KAT6A: variants seen among roughly 807,000 people sequenced by gnomAD.
KAT6A encodes lysine acetyltransferase 6A, also known as histone acetyltransferase KAT6A.
In KAT6A, 9 loss-of-function variants were observed where a neutral mutation model predicts 198.4. That is an observed-to-expected ratio of 0.05 (90% confidence interval 0.03 to 0.08). The LOEUF (loss-of-function observed/expected upper bound fraction) is 0.08, where lower values mean the gene tolerates loss of function less well. KAT6A is among the 10% of genes least tolerant of loss of function. The pLI is 1.00. For missense variants in KAT6A, 2,077 were observed against 2,509.9 expected, an observed-to-expected ratio of 0.83 and a Z score of 3.69; for synonymous variants, 890 against 883.0, an observed-to-expected ratio of 1.01 and a Z score of -0.14.
intron 8 of KAT6A, among the ~76,000 whole-genome samples, chr8:41,963,853 CTCT>C (rs1345468157): frequency 1.3e-5 from 2 of 152,234 alleles, no homozygotes; most frequent in East Asian, 1.9e-4. Context: ...CCAATATCAT[CTCT>C]TGTTTGAACT....
chr8:42,013,206 G>GATAA (rs948555292), intron 2 of KAT6A, among the ~76,000 whole-genome samples: 1 of 150,424 alleles, frequency 6.6e-6, no homozygotes, highest in Non-Finnish European at 1.5e-5. Context: ...TAAATTTATA[G>GATAA]ATAAATAAAT....
intron 14 of KAT6A, chr8:41,942,510 T>C (rs989177960): frequency 7.2e-6 from 3 of 415,708 alleles, no homozygotes; most frequent in Admixed American, 4.2e-5. Context: ...ACTATCCAGC[T>C]TAAAACTGAG....
At chr8:42,021,477 A>T (rs1264409000) in intron 2 of KAT6A, among the ~76,000 whole-genome samples, 1 of 152,364 alleles carries the variant, frequency 6.6e-6, no homozygotes, top group African/African-American at 2.4e-5. Flanking sequence ...AGGTACTATT[A>T]TAATACTATC....
chr8:42,009,708 G>A (rs965535613), intron 2 of KAT6A, among the ~76,000 whole-genome samples: 1 of 151,524 alleles, frequency 6.6e-6, no homozygotes, highest in African/African-American at 2.4e-5. Flanking sequence ...AGACCAGCCT[G>A]GGAAACATAT....
Position 41,932,610 on chromosome 8 carries a change from G to A in KAT6A, c.5610C>T (p.His1870=). The part of the protein sequence containing the change: ...KSAPLPSAAA[H]QQQLYGRSPS... ...GGCTACGGCCATACAGCTGCTGCTG[G>A]TGAGCAGCCGCAGAGGGCAGTGGCG... The change falls in exon 17 of 17, where the codon CAC becomes CAT. Residue 1870 remains histidine, a synonymous_variant. Transcript: ENST00000265713. 2 of 1,614,062 alleles carry A rather than the reference G, an allele frequency of 1.2e-6. No homozygotes were observed. Among genetic ancestry groups the A allele is most frequent in the Non-Finnish European group, 1.7e-6 (2 of 1,179,904 alleles).
chr8:42,010,448 A>G (rs1441814144), intron 2 of KAT6A, among the ~76,000 whole-genome samples: 1 of 152,180 alleles, frequency 6.6e-6, no homozygotes, highest in Admixed American at 6.5e-5. Flanking sequence ...TCCATAAAGC[A>G]ATAACATTTA....
At position 41,978,727 on chromosome 8, in the gene KAT6A, G is replaced by T; in HGVS notation, c.958C>A (p.Leu320Ile). The change falls in exon 6 of 17, where the codon CTA becomes ATA. Residue 320 changes from leucine to isoleucine, a missense_variant. By Grantham distance (5) the Leu-to-Ile change is conservative. Around this residue, in one of 13 missense-constraint regions of KAT6A, gnomAD observed 89 missense variants for 154.4 expected, o/e 0.58. Coordinates refer to ENST00000265713, the MANE Select transcript of KAT6A (RefSeq NM_006766.5). ...TTTATCTGTGCTGCCTTCTTTTGTA[G>T]AAGTTTTCGTCCTTTTTTCCTAGGT... ...CRPRKKGRKL[L>I]QKKAAQIKRR... 1 of 1,613,696 alleles carries T rather than the reference G, an allele frequency of 6.2e-7. No homozygotes were observed. Among genetic ancestry groups the T allele is most frequent in the South Asian group, 1.1e-5 (1 of 91,072 alleles).
chr8:41,968,818 T>C (rs763867271), intron 8 of KAT6A, among the ~76,000 whole-genome samples: 17 of 152,192 alleles, frequency 1.1e-4, no homozygotes, highest in Non-Finnish European at 2.1e-4. Context: ...GAGGTGGCTC[T>C]TTTTCATGGA....
chr8:41,959,759 C>T (rs531226125), intron 8 of KAT6A, among the ~76,000 whole-genome samples: 1 of 152,202 alleles, frequency 6.6e-6, no homozygotes, highest in East Asian at 1.9e-4. Context: ...GAGATTGAGA[C>T]CATCCTGGCC....
At chr8:41,966,444 G>A (rs548403447) in intron 8 of KAT6A, among the ~76,000 whole-genome samples, 98 of 152,130 alleles carry the variant, frequency 6.4e-4, no homozygotes, top group Non-Finnish European at 7.8e-4. Flanking sequence ...TACAGTCCAC[G>A]GTTTCAGGCA....
rs535872321 is a variant in KAT6A at position 41,960,248 on chromosome 8, GTGAA to G, written c.1483-4841_1483-4838del. 6.2e-3 allele frequency among the ~76,000 whole-genome samples: 943 copies of G among 152,174 alleles called. 7 individuals carry two copies. Among genetic ancestry groups the G allele is most frequent in the African/African-American group, 0.022 (917 of 41,518 alleles). ...ATGATGGTGATGATTGCACAACAAG[GTGAA>G]TGTCTTTAATGCCACTGAATTGTAC... On this transcript the variant is annotated intron_variant, in intron 8 of 16. Coordinates refer to ENST00000265713, the MANE Select transcript of KAT6A (RefSeq NM_006766.5).
At chr8:41,971,748 G>A (rs553623373) in intron 8 of KAT6A, among the ~76,000 whole-genome samples, 1 of 152,188 alleles carries the variant, frequency 6.6e-6, no homozygotes, top group South Asian at 2.1e-4. Flanking sequence ...AGAGTGGGGT[G>A]GTGGCAAAAG....
At chr8:42,017,187 G>C (rs555173101) in intron 2 of KAT6A, among the ~76,000 whole-genome samples, 4 of 152,092 alleles carry the variant, frequency 2.6e-5, no homozygotes, top group Non-Finnish European at 4.4e-5. Flanking sequence ...TAATTTAAAG[G>C]GTTACTGAAT....
rs1220000555 is a variant in KAT6A, at chr8:42,003,917, G to T, written c.601-16354C>A. Among the ~76,000 whole-genome samples, 3 of 152,306 alleles carry T rather than the reference G, an allele frequency of 2.0e-5. No individual in the cohort carries two copies. The East Asian group carries it at 5.8e-4, about 29-fold the overall frequency. On this transcript the variant is annotated intron_variant, in intron 2 of 16. Coordinates refer to ENST00000265713, the MANE Select transcript of KAT6A (RefSeq NM_006766.5). ...ACAAGGAGAGAGGATAACCTTGCCG[G>T]TGCCTTGATTTGCAACTTCCAGTTT...
Position 41,932,311 on chromosome 8 carries a change from G to C in KAT6A, c.5909C>G (p.Pro1970Arg). ...GTACATCATGTTCCCATGAGGGTTA[G>C]GCTGCATAGGCTGCTGGGTATAGGC... The part of the protein sequence containing the change: ...SQAYTQQPMQ[P>R]NPHGNMMYTG... The change falls in exon 17 of 17, where the codon CCT (proline) becomes CGT (arginine). Residue 1970 changes from proline (P) to arginine (R), a missense_variant. Physicochemically the swap from Pro to Arg is moderately radical, Grantham distance 103. Coordinates refer to ENST00000265713, the MANE Select transcript of KAT6A (RefSeq NM_006766.5). 6.2e-7 allele frequency: 1 copy of C among 1,614,194 alleles called. No homozygotes were observed. The highest frequency in any genetic ancestry group is 8.5e-7 in the Non-Finnish European group (1 of 1,180,038).
intron 10 of KAT6A, 54 bp downstream of exon 10, chr8:41,949,168 G>C: frequency 8.1e-7 from 1 of 1,234,010 alleles, no homozygotes; most frequent in South Asian, 1.7e-5. Context: ...ATGCAATATA[G>C]GTGGCCCTAC....
At position 41,934,084 on chromosome 8, in the gene KAT6A, G is replaced by A. The variant is rs1821716465; in HGVS notation, c.4136C>T (p.Ser1379Phe). Reference sequence around the variant, plus strand: ...CTCTGACACCACGGACGTGTCATGGGAAGGCTGCTCCTCTTCGGAATCCAG... The same window carrying A: ...CTCTGACACCACGGACGTGTCATGGAAAGGCTGCTCCTCTTCGGAATCCAG... ...TELDSEEEQP[S>F]HDTSVVSEQM... The change falls in exon 17 of 17, where the codon TCC (serine) becomes TTC (phenylalanine). Residue 1379 changes from serine (S) to phenylalanine (F), a missense_variant. This residue lies in a region of KAT6A where 178 missense variants were observed against 220.8 expected (regional missense o/e 0.81). Transcript: ENST00000265713. 6.2e-7 allele frequency: 1 copy of A among 1,613,982 alleles called. No homozygotes were observed.
chr8:41,933,176 G>T lies in KAT6A; in HGVS notation c.5044C>A (p.Gln1682Lys). ...PPPPQQQPQQ[Q>K]PQPQPQQPPP... ...GGCTGCTGGGGCTGAGGCTGCGGCT[G>T]CTGTTGCGGCTGCTGCTGGGGTGGT... is the stretch of plus-strand genomic sequence containing the variant. The change falls in exon 17 of 17, where the codon CAG becomes AAG. Residue 1682 changes from glutamine (Q) to lysine (K), a missense_variant. Around this residue, in one of 13 missense-constraint regions of KAT6A, gnomAD observed 500 missense variants for 577.2 expected, o/e 0.87. Transcript: ENST00000265713. The surrounding 1 kb of genome is among the most constrained non-coding windows in gnomAD (Gnocchi z 6.2). The T allele has an allele frequency of 6.3e-7, 1 of 1,588,280 alleles. No individual in the cohort carries two copies. The highest frequency in any genetic ancestry group is 1.1e-5 in the South Asian group (1 of 89,444).
At chr8:41,960,322 G>A (rs1250619001) in intron 8 of KAT6A, among the ~76,000 whole-genome samples, 3 of 152,046 alleles carry the variant, frequency 2.0e-5, no homozygotes, top group East Asian at 3.9e-4. Flanking sequence ...GCTCATGCCT[G>A]TAATCCCAGC....
Sources: allele counts gnomAD v4.1 joint callset (sites outside exome capture counted in the v4.1 genomes callset), GRCh38; gene constraint gnomAD v4.1.1; regional missense constraint gnomAD v4.1.1; non-coding constraint Gnocchi (gnomAD v3.1); transcripts MANE v1.5; gene names NCBI Gene and HGNC (gene_info 2026-07-23, HGNC 2026-07-21).